The following SGCZ variants were observed in gnomAD, a reference collection of about 807,000 sequenced individuals.
SGCZ encodes the protein sarcoglycan zeta.
A neutral mutation model predicts 41.3 loss-of-function variants in SGCZ; 40 were observed. The observed-to-expected ratio is 0.97, with a 90% confidence interval of 0.75 to 1.26. The LOEUF is 1.26. Among genes scored for constraint, SGCZ ranks in the 50% most tolerant of loss-of-function variants. The pLI is 0.00. For synonymous variants in SGCZ, 206 were observed against 137.5 expected (o/e 1.50, Z -3.49); for missense variants, 552 against 369.8 (o/e 1.49, Z -4.04).
chr8:15,153,328 T>C (rs954953324), intron 1 of SGCZ, among the ~76,000 whole-genome samples: 1 of 152,146 alleles, frequency 6.6e-6, no homozygotes, highest in South Asian at 2.1e-4. Context: ...TATACTGAAG[T>C]CCATGTTGAA....
chr8:14,387,646 A>G (rs1284147086), intron 2 of SGCZ, among the ~76,000 whole-genome samples: 1 of 152,024 alleles, frequency 6.6e-6, no homozygotes, highest in Non-Finnish European at 1.5e-5. Context: ...ATATTTTTGG[A>G]TGGCACTTTA....
intron 2 of SGCZ, among the ~76,000 whole-genome samples, chr8:14,523,778 A>C (rs2169421): frequency 1 from 152,046 of 152,172 alleles, 75,960 homozygotes; most frequent in Non-Finnish European, 1. Context: ...AAGTTTCAGC[A>C]CCATCCACTT....
intron 2 of SGCZ, among the ~76,000 whole-genome samples, chr8:14,327,186 A>G (rs533468440): frequency 2.4e-4 from 36 of 152,322 alleles, no homozygotes; most frequent in African/African-American, 8.7e-4. Context: ...TTATCACCAG[A>G]AAGAGTAATT....
intron 1 of SGCZ, among the ~76,000 whole-genome samples, chr8:14,893,868 G>C (rs1563344619): frequency 6.6e-6 from 1 of 152,220 alleles, no homozygotes; most frequent in South Asian, 2.1e-4. Flanking sequence ...GATGTCAAAA[G>C]TCTAAAGTAC....
At chr8:14,790,519 A>AT (rs1255325324) in intron 1 of SGCZ, among the ~76,000 whole-genome samples, 1 of 152,178 alleles carries the variant, frequency 6.6e-6, no homozygotes, top group East Asian at 1.9e-4. Flanking sequence ...AGTCCAAAAC[A>AT]TTTGTTAACA....
At chr8:14,949,572 G>A (rs934414883) in intron 1 of SGCZ, among the ~76,000 whole-genome samples, 2 of 151,996 alleles carry the variant, frequency 1.3e-5, no homozygotes, top group East Asian at 3.9e-4. Flanking sequence ...ATTAAATCTT[G>A]GCATGAATTG....
At position 14,454,694 on chromosome 8, in the gene SGCZ, G is replaced by C. The variant is rs558364885; in HGVS notation, c.234+100038C>G. On this transcript the variant is annotated intron_variant, in intron 2 of 7. Transcript: ENST00000382080. ...ATGGTATTGATACAGAAATAGACCA[G>C]TGAAATAGAATGGGAAGTCTCTAAG... 1.1e-4 allele frequency among the ~76,000 whole-genome samples: 16 copies of C among 152,250 alleles called. No homozygotes were observed. In the South Asian group the frequency reaches 3.3e-3, roughly 32 times the overall value.
At chr8:15,111,305 T>C (rs913339597) in intron 1 of SGCZ, among the ~76,000 whole-genome samples, 1 of 152,100 alleles carries the variant, frequency 6.6e-6, no homozygotes, top group African/African-American at 2.4e-5. Context: ...CAACTCTCCC[T>C]ACAACCCTCT....
At chr8:14,561,078 T>C (rs1053988179) in intron 1 of SGCZ, among the ~76,000 whole-genome samples, 4 of 152,092 alleles carry the variant, frequency 2.6e-5, no homozygotes, top group African/African-American at 9.7e-5. Context: ...TTTTTCAAGA[T>C]CACAAAAGCT....
chr8:15,057,864 G>C (rs1056025558), intron 1 of SGCZ, among the ~76,000 whole-genome samples: 1 of 152,060 alleles, frequency 6.6e-6, no homozygotes, highest in African/African-American at 2.4e-5. Context: ...TGTAGTCAAT[G>C]TATTCACCCA....
intron 2 of SGCZ, among the ~76,000 whole-genome samples, chr8:14,489,237 C>T (rs568495991): frequency 2.0e-5 from 3 of 151,904 alleles, no homozygotes; most frequent in East Asian, 3.9e-4. Flanking sequence ...ACGGGAACAA[C>T]GATTTGTAAA....
At chr8:15,094,171 G>A (rs753275398) in intron 1 of SGCZ, among the ~76,000 whole-genome samples, 3 of 151,468 alleles carry the variant, frequency 2.0e-5, no homozygotes, top group Non-Finnish European at 2.9e-5. Context: ...GTCTCACTCT[G>A]TCGCCCAGGA....
At chr8:14,923,119 G>T (rs1293849477) in intron 1 of SGCZ, among the ~76,000 whole-genome samples, 1 of 152,140 alleles carries the variant, frequency 6.6e-6, no homozygotes, top group Non-Finnish European at 1.5e-5. Flanking sequence ...TCTCCTGACA[G>T]GAAAAAGAAA....
chr8:14,612,051 C>T (rs1234697121), intron 1 of SGCZ, among the ~76,000 whole-genome samples: 2 of 152,168 alleles, frequency 1.3e-5, no homozygotes, highest in Non-Finnish European at 2.9e-5. Flanking sequence ...TAGCATTTGT[C>T]CTTCAAATTT....
At chr8:14,456,920 T>C (rs758802013) in intron 2 of SGCZ, among the ~76,000 whole-genome samples, 2 of 152,150 alleles carry the variant, frequency 1.3e-5, no homozygotes, top group African/African-American at 2.4e-5. Context: ...TCTTGCTTTT[T>C]CAGTGTCACA....
At chr8:14,755,665 A>G (rs1254823768) in intron 1 of SGCZ, among the ~76,000 whole-genome samples, 1 of 152,152 alleles carries the variant, frequency 6.6e-6, no homozygotes, top group Non-Finnish European at 1.5e-5. Flanking sequence ...TTAGATATAC[A>G]TATACACTTC....
intron 1 of SGCZ, among the ~76,000 whole-genome samples, chr8:14,970,535 G>A (rs972711901): frequency 6.6e-6 from 1 of 152,216 alleles, no homozygotes; most frequent in East Asian, 1.9e-4. Flanking sequence ...TGAATAGCTA[G>A]TAATTCCAAC....
At chr8:14,385,122 T>C (rs1240547923) in intron 2 of SGCZ, among the ~76,000 whole-genome samples, 1 of 152,120 alleles carries the variant, frequency 6.6e-6, no homozygotes, top group Admixed American at 6.6e-5. Flanking sequence ...GACTGGTTTG[T>C]ATCGTTTGGT....
intron 1 of SGCZ, among the ~76,000 whole-genome samples, chr8:15,152,297 A>C (rs1347211293): frequency 6.6e-6 from 1 of 152,206 alleles, no homozygotes; most frequent in Non-Finnish European, 1.5e-5. Context: ...GTCAGAAAAA[A>C]ATATGTAAAA....
Sources: gnomAD v4.1 joint callset for allele counts (sites outside exome capture counted in the v4.1 genomes callset) on GRCh38, gnomAD v4.1.1 for gene constraint, MANE v1.5 for transcripts, NCBI Gene and HGNC (gene_info 2026-07-23, HGNC 2026-07-21) for gene names.